ENTREP2: variants seen among roughly 807,000 people sequenced by gnomAD.
The protein encoded by ENTREP2 is endosomal transmembrane epsin interactor 2.
At chr15:29,669,503 A>G in the ENTREP2 span, among the ~76,000 whole-genome samples, 1 of 152,226 alleles carries the variant, frequency 6.6e-6, no homozygotes, top group Non-Finnish European at 1.5e-5. Context: ...CCAGAAGTGT[A>G]AGAAATAAAT....
the ENTREP2 span, among the ~76,000 whole-genome samples, chr15:29,576,679 C>T: frequency 6.6e-6 from 1 of 152,188 alleles, no homozygotes; most frequent in African/African-American, 2.4e-5. Context: ...AGACATTTCT[C>T]CTAAGAAGAT....
chr15:29,231,885 C>CTTTTTTTTT, the ENTREP2 span, among the ~76,000 whole-genome samples: 1,699 of 129,410 alleles, frequency 0.013, 163 homozygotes, highest in East Asian at 0.031. Flanking sequence ...GTTTTCTTTT[C>CTTTTTTTTT]TTTTCTTTCT....
the ENTREP2 span, among the ~76,000 whole-genome samples, chr15:29,178,739 TGTTA>T: frequency 6.6e-6 from 1 of 151,886 alleles, no homozygotes; most frequent in African/African-American, 2.4e-5. Context: ...GATTCTCCCC[TGTTA>T]GTTGCAAGAG....
the ENTREP2 span, among the ~76,000 whole-genome samples, chr15:29,606,827 TTCTTTC>T: frequency 2.0e-5 from 3 of 151,900 alleles, no homozygotes; most frequent in African/African-American, 7.3e-5. Context: ...AACCTTTTCT[TTCTTTC>T]TTTCTTTCTT....
the ENTREP2 span, among the ~76,000 whole-genome samples, chr15:29,227,099 G>A: frequency 2.0e-5 from 3 of 152,184 alleles, no homozygotes; most frequent in African/African-American, 7.2e-5. Flanking sequence ...GAAGAACTCT[G>A]GGGATAGCGG....
At chr15:29,422,496 A>G in the ENTREP2 span, among the ~76,000 whole-genome samples, 1 of 152,196 alleles carries the variant, frequency 6.6e-6, no homozygotes, top group Admixed American at 6.5e-5. Flanking sequence ...GGTAAACTCT[A>G]GGAGTTTGTA....
the ENTREP2 span, among the ~76,000 whole-genome samples, chr15:29,271,657 CCT>C: frequency 0.011 from 1,621 of 152,224 alleles, 31 homozygotes; most frequent in African/African-American, 0.037. Context: ...GCATGTAGCC[CCT>C]GTCACATACC....
the ENTREP2 span, among the ~76,000 whole-genome samples, chr15:29,222,787 C>A: frequency 3.3e-5 from 5 of 152,180 alleles, no homozygotes; most frequent in African/African-American, 1.2e-4. Context: ...AGGAATTACT[C>A]TATTTACAGA....
At chr15:29,142,110 G>A in the ENTREP2 span, among the ~76,000 whole-genome samples, 1 of 152,214 alleles carries the variant, frequency 6.6e-6, no homozygotes, top group African/African-American at 2.4e-5. Context: ...GAGCAGAGAA[G>A]AATCATAAAA....
chr15:29,256,788 T>C, the ENTREP2 span, among the ~76,000 whole-genome samples: 3 of 152,130 alleles, frequency 2.0e-5, no homozygotes, highest in South Asian at 6.3e-4. Context: ...AAGTCTGGCA[T>C]TTATTCTGTT....
the ENTREP2 span, among the ~76,000 whole-genome samples, chr15:29,338,597 A>G: frequency 2.0e-5 from 3 of 151,858 alleles, no homozygotes; most frequent in Admixed American, 6.6e-5. Context: ...TCCATAGGGC[A>G]CTGGTGTCTG....
the ENTREP2 span, among the ~76,000 whole-genome samples, chr15:29,398,935 T>A: frequency 6.6e-6 from 1 of 151,920 alleles, no homozygotes; most frequent in Non-Finnish European, 1.5e-5. Context: ...TGCTGTTGAG[T>A]TCATCAAAAG....
chr15:29,618,526 C>A, the ENTREP2 span, among the ~76,000 whole-genome samples: 1 of 152,028 alleles, frequency 6.6e-6, no homozygotes, highest in African/African-American at 2.4e-5. Context: ...ATCTGAAGTT[C>A]TCAGCAGGTT....
At chr15:29,482,164 A>ATTTTTTTT in the ENTREP2 span, among the ~76,000 whole-genome samples, 4 of 135,260 alleles carry the variant, frequency 3.0e-5, no homozygotes, top group Non-Finnish European at 3.1e-5. Context: ...CAGGCAGCTA[A>ATTTTTTTT]TTTTTTTTTT....
chr15:29,239,811 C>T, the ENTREP2 span, among the ~76,000 whole-genome samples: 2 of 152,178 alleles, frequency 1.3e-5, no homozygotes, highest in African/African-American at 2.4e-5. Flanking sequence ...GCTCACACTT[C>T]GTACAAAACT....
the ENTREP2 span, among the ~76,000 whole-genome samples, chr15:29,149,662 C>CT: frequency 6.6e-6 from 1 of 152,228 alleles, no homozygotes; most frequent in Non-Finnish European, 1.5e-5. Flanking sequence ...CGGGGTCCCA[C>CT]AGGCAGTGAT....
chr15:29,616,395 G>A, the ENTREP2 span, among the ~76,000 whole-genome samples: 1 of 152,122 alleles, frequency 6.6e-6, no homozygotes, highest in Admixed American at 6.5e-5. Flanking sequence ...ATGGCTGTCA[G>A]AGGGCTCACC....
At chr15:29,173,875 CT>C in the ENTREP2 span, among the ~76,000 whole-genome samples, 4 of 148,088 alleles carry the variant, frequency 2.7e-5, no homozygotes, top group African/African-American at 1.0e-4. Flanking sequence ...GTCTTATAAT[CT>C]TTTTATTAGC....
chr15:29,417,507 C>T, the ENTREP2 span, among the ~76,000 whole-genome samples: 2 of 151,956 alleles, frequency 1.3e-5, no homozygotes, highest in African/African-American at 2.4e-5. Flanking sequence ...GTTAGGGGAG[C>T]AGAGAGAGAT....
Sources: allele counts gnomAD v4.1 joint callset (sites outside exome capture counted in the v4.1 genomes callset), GRCh38; gene constraint gnomAD v4.1.1; transcripts MANE v1.5; gene names NCBI Gene and HGNC (gene_info 2026-07-23, HGNC 2026-07-21).